Variants in TAFA1 observed in about 807,000 individuals in gnomAD.
TAFA1 encodes chemokine-like protein TAFA-1.
In TAFA1, 4 loss-of-function variants were observed where a neutral mutation model predicts 18.5. That is an observed-to-expected ratio of 0.22 (90% confidence interval 0.11 to 0.49). The LOEUF is 0.49. TAFA1 is among the 20% of genes least tolerant of loss of function. The pLI, the probability that TAFA1 is intolerant of heterozygous loss-of-function variation, is 0.98. For synonymous variants in TAFA1, 56 were observed against 55.2 expected (o/e 1.01, Z -0.06); for missense variants, 147 against 169.0 (o/e 0.87, Z 0.72).
chr3:68,372,636 G>A (rs141128879), intron 2 of TAFA1, among the ~76,000 whole-genome samples: 3 of 152,156 alleles, frequency 2.0e-5, no homozygotes, highest in African/African-American at 7.2e-5. Flanking sequence ...AGAGCATAAT[G>A]CAGTATAGCC....
intron 2 of TAFA1, among the ~76,000 whole-genome samples, chr3:68,050,635 T>C (rs1277706636): frequency 1.3e-5 from 2 of 152,176 alleles, no homozygotes; most frequent in African/African-American, 4.8e-5. Flanking sequence ...AGAGCCTCGA[T>C]CCCAGATAGG....
chr3:68,167,108 T>C (rs967103803), intron 2 of TAFA1, among the ~76,000 whole-genome samples: 10 of 152,256 alleles, frequency 6.6e-5, no homozygotes, highest in Middle Eastern at 3.4e-3. Context: ...TCAGGGAGGT[T>C]AAATGAGTCT....
chr3:68,298,783 C>A (rs763023390), intron 2 of TAFA1, among the ~76,000 whole-genome samples: 3 of 152,338 alleles, frequency 2.0e-5, no homozygotes, highest in South Asian at 2.1e-4. Context: ...TTTCCTGAAG[C>A]CTCCCCAGCC....
chr3:68,481,061 C>T (rs1463145257), intron 3 of TAFA1, among the ~76,000 whole-genome samples: 1 of 152,158 alleles, frequency 6.6e-6, no homozygotes, highest in East Asian at 1.9e-4. Flanking sequence ...ACTGTGAATC[C>T]ATTAAACCTC....
intron 2 of TAFA1, among the ~76,000 whole-genome samples, chr3:68,141,151 C>A (rs2065663238): frequency 6.6e-6 from 1 of 152,120 alleles, no homozygotes; most frequent in East Asian, 1.9e-4. Context: ...TAAGAATAAC[C>A]AAACGGGTGC....
intron 2 of TAFA1, among the ~76,000 whole-genome samples, chr3:68,274,165 G>A (rs1473079872): frequency 6.6e-6 from 1 of 152,114 alleles, no homozygotes; most frequent in Admixed American, 6.6e-5. Flanking sequence ...ATTCAGTTGT[G>A]TGCATGAATT....
intron 2 of TAFA1, among the ~76,000 whole-genome samples, chr3:68,007,583 C>T (rs1468665985): frequency 6.6e-6 from 1 of 151,864 alleles, no homozygotes; most frequent in Non-Finnish European, 1.5e-5. Flanking sequence ...TACTACTCAC[C>T]CCGCCTTCAC....
At chr3:68,306,359 A>G (rs1559609434) in intron 2 of TAFA1, among the ~76,000 whole-genome samples, 1 of 152,192 alleles carries the variant, frequency 6.6e-6, no homozygotes, top group Non-Finnish European at 1.5e-5. Flanking sequence ...TTGACCTTGC[A>G]AAAATTTAAT....
chr3:68,254,818 T>C (rs2067267152), intron 2 of TAFA1, among the ~76,000 whole-genome samples: 1 of 152,028 alleles, frequency 6.6e-6, no homozygotes, highest in Admixed American at 6.6e-5. Flanking sequence ...AAGAGAGTAA[T>C]GAGATTGTTT....
chr3:68,369,651 T>C (rs865938466), intron 2 of TAFA1, among the ~76,000 whole-genome samples: 21 of 152,322 alleles, frequency 1.4e-4, no homozygotes, highest in Middle Eastern at 3.4e-3. Context: ...CCTTGTTCAA[T>C]TTAAATACTC....
chr3:68,419,703 A>G (rs899978047), intron 3 of TAFA1, among the ~76,000 whole-genome samples: 1 of 152,176 alleles, frequency 6.6e-6, no homozygotes, highest in Non-Finnish European at 1.5e-5. Context: ...TCCTCTAGAT[A>G]TAGATAAGGA....
intron 2 of TAFA1, among the ~76,000 whole-genome samples, chr3:68,390,572 C>A (rs1449546455): frequency 1.3e-5 from 2 of 152,218 alleles, no homozygotes; most frequent in South Asian, 2.1e-4. Flanking sequence ...AGACACCTCC[C>A]AGCAGGGGTT....
intron 2 of TAFA1, among the ~76,000 whole-genome samples, chr3:68,202,989 T>A (rs923247748): frequency 2.6e-5 from 4 of 151,766 alleles, no homozygotes; most frequent in African/African-American, 4.8e-5. Flanking sequence ...CTTTAAGGCA[T>A]GTTTGCTGAC....
At chr3:68,365,579 A>G (rs1311184290) in intron 2 of TAFA1, among the ~76,000 whole-genome samples, 1 of 152,198 alleles carries the variant, frequency 6.6e-6, no homozygotes, top group African/African-American at 2.4e-5. Flanking sequence ...TATGTAGGAC[A>G]CTTCAAATAA....
At chr3:68,143,254 C>T (rs1390843793) in intron 2 of TAFA1, among the ~76,000 whole-genome samples, 1 of 152,122 alleles carries the variant, frequency 6.6e-6, no homozygotes, top group African/African-American at 2.4e-5. Flanking sequence ...AGTTTCTACC[C>T]TCATGGCACT....
intron 2 of TAFA1, among the ~76,000 whole-genome samples, chr3:68,326,856 A>G (rs571847264): frequency 1.4e-4 from 21 of 152,302 alleles, no homozygotes; most frequent in African/African-American, 5.1e-4. Flanking sequence ...ACCCAAAACC[A>G]CAAAACAGAG....
intron 3 of TAFA1, among the ~76,000 whole-genome samples, chr3:68,461,464 G>C (rs1363174447): frequency 6.7e-6 from 1 of 149,538 alleles, no homozygotes; most frequent in African/African-American, 2.5e-5. Flanking sequence ...TCCCCTACCA[G>C]CATCCAATCT....
chr3:68,539,016 C>G, intron 4 of TAFA1, 136 bp downstream of exon 4: 1 of 859,730 alleles, frequency 1.2e-6, no homozygotes, highest in Non-Finnish European at 1.8e-6. Context: ...CTGAACTATG[C>G]AGATCAGTGT....
intron 3 of TAFA1, among the ~76,000 whole-genome samples, chr3:68,489,947 A>T (rs943944725): frequency 1.3e-5 from 2 of 152,264 alleles, no homozygotes; most frequent in Non-Finnish European, 2.9e-5. Context: ...TGAAAAATTG[A>T]CAAACTATGG....
Sources: gnomAD v4.1 joint callset for allele counts (sites outside exome capture counted in the v4.1 genomes callset) on GRCh38, gnomAD v4.1.1 for gene constraint, MANE v1.5 for transcripts, NCBI Gene and HGNC (gene_info 2026-07-23, HGNC 2026-07-21) for gene names.